Variants in ATP11A observed in about 807,000 individuals in gnomAD.
The protein encoded by ATP11A is ATPase phospholipid transporting 11A, also known as phospholipid-transporting ATPase IH.
A neutral mutation model predicts 154.4 loss-of-function variants in ATP11A; 81 were observed. That is an observed-to-expected ratio of 0.52 (90% CI 0.44 to 0.63). The LOEUF (loss-of-function observed/expected upper bound fraction) is 0.63. Ranked by LOEUF, ATP11A falls within the 30% of genes least tolerant of loss-of-function variation. The pLI is 0.00. For synonymous variants in ATP11A, 623 were observed against 585.9 expected (o/e 1.06, Z -0.91); for missense variants, 1,316 against 1,474.3 (o/e 0.89, Z 1.76).
rs145236377 is a variant in ATP11A at position 112,859,284 on chromosome 13, G to A, written c.2668-109G>A. 3,139 of 849,454 alleles carry A rather than the reference G, an allele frequency of 3.7e-3. 15 individuals are homozygous for A. Among genetic ancestry groups the A allele is most frequent in the Non-Finnish European group, 5.2e-3 (2,521 of 486,256 alleles). 52.6% of individuals were successfully genotyped at this position (849,454 alleles called of 1,614,324 possible). ...ACCCATTAGTGCTGTTCTGCCGCAC[G>A]CTGGGTGCACGTGGATCCCTCCTCC... On this transcript the variant is annotated intron_variant, in intron 22 of 29. Transcript: ENST00000375645. This position sits in a 1 kb window ranked among gnomAD's most constrained non-coding sequence, Gnocchi z 4.3.
intron 12 of ATP11A, among the ~76,000 whole-genome samples, 195 bp downstream of exon 12, chr13:112,827,086 C>T (rs866950032): frequency 2.0e-5 from 3 of 152,310 alleles, no homozygotes; most frequent in African/African-American, 7.2e-5. Flanking sequence ...GCAGAATTAC[C>T]TGCACTTGCT....
At chr13:112,773,630 C>G (rs914307845) in intron 1 of ATP11A, among the ~76,000 whole-genome samples, 5 of 152,236 alleles carry the variant, frequency 3.3e-5, no homozygotes, top group African/African-American at 1.2e-4. Flanking sequence ...GCTTTGTCTG[C>G]AGAAACAGCT....
At chr13:112,850,826 T>G (rs2079742954) in intron 17 of ATP11A, among the ~76,000 whole-genome samples, 1 of 152,246 alleles carries the variant, frequency 6.6e-6, no homozygotes. Flanking sequence ...TAGACTTAAA[T>G]AATTCACTTG....
chr13:112,851,046 C>G lies in ATP11A; in HGVS notation c.1819C>G (p.Arg607Gly). 1.2e-6 allele frequency: 2 copies of G among 1,613,800 alleles called. No individual in the cohort carries two copies. The highest frequency in any genetic ancestry group is 1.7e-6 in the Non-Finnish European group (2 of 1,179,780). ...RVERNAVEGL[R>G]TLCVAYKRLI... ...GCATTGTGTTCTGCAGGAGGGGCTC[C>G]GAACTTTGTGTGTTGCTTATAAAAG... The change falls in exon 18 of 30, where the codon CGA (arginine) becomes GGA (glycine). Residue 607 changes from arginine to glycine, a missense_variant. Transcript: ENST00000375645.
chr13:112,789,120 G>A (rs999387358), intron 2 of ATP11A, among the ~76,000 whole-genome samples: 5 of 150,188 alleles, frequency 3.3e-5, no homozygotes, highest in African/African-American at 1.2e-4. Flanking sequence ...CTGATGTATA[G>A]ACCCTTGTGG....
intron 2 of ATP11A, among the ~76,000 whole-genome samples, chr13:112,789,457 C>T (rs111361760): frequency 7.2e-6 from 1 of 138,604 alleles, no homozygotes; most frequent in African/African-American, 2.9e-5. Context: ...GACATATAGA[C>T]CCTTGCGGAG....
chr13:112,742,280 G>A (rs1305760271), intron 1 of ATP11A, among the ~76,000 whole-genome samples: 1 of 152,162 alleles, frequency 6.6e-6, no homozygotes, highest in African/African-American at 2.4e-5. Context: ...CTTGGGGGGT[G>A]GGGGAGACAC....
intron 16 of ATP11A, among the ~76,000 whole-genome samples, chr13:112,839,237 C>T (rs987832111): frequency 2.0e-5 from 3 of 151,924 alleles, no homozygotes; most frequent in Non-Finnish European, 4.4e-5. Flanking sequence ...GTATTATGTA[C>T]GCAGTACACA....
At chr13:112,776,007 T>C (rs2077339959) in intron 1 of ATP11A, among the ~76,000 whole-genome samples, 1 of 152,138 alleles carries the variant, frequency 6.6e-6, no homozygotes, top group Non-Finnish European at 1.5e-5. Flanking sequence ...CCCAGCCCTC[T>C]TCCCCGGACC....
intron 17 of ATP11A, among the ~76,000 whole-genome samples, chr13:112,850,058 G>A (rs1167505418): frequency 6.6e-6 from 1 of 152,180 alleles, no homozygotes; most frequent in Non-Finnish European, 1.5e-5. Flanking sequence ...AGAGCTCAAG[G>A]GCCATGACAG....
chr13:112,842,185 G>GT, intron 16 of ATP11A, 91 bp from the exon 17 acceptor site: 2 of 1,053,658 alleles, frequency 1.9e-6, no homozygotes, highest in Non-Finnish European at 2.8e-6. Context: ...TGCTATCCCT[G>GT]TTTTTTGTTT....
At chr13:112,874,285 G>C (rs2080644353) in intron 27 of ATP11A, among the ~76,000 whole-genome samples, 1 of 152,164 alleles carries the variant, frequency 6.6e-6, no homozygotes, top group Non-Finnish European at 1.5e-5. Context: ...GAGGGGCCCG[G>C]ACCAGGCTGC....
intron 1 of ATP11A, among the ~76,000 whole-genome samples, chr13:112,726,095 C>G (rs888645059): frequency 6.6e-6 from 1 of 152,260 alleles, no homozygotes; most frequent in African/African-American, 2.4e-5. Flanking sequence ...GGAGGCTTCT[C>G]TGAAGGGAAT....
At chr13:112,768,999 G>A (rs1412281663) in intron 1 of ATP11A, among the ~76,000 whole-genome samples, 5 of 152,184 alleles carry the variant, frequency 3.3e-5, no homozygotes, top group African/African-American at 7.2e-5. Flanking sequence ...GTGAAGGTGT[G>A]ACCCATGGTG....
At chr13:112,855,884 A>G (rs1200380238) in intron 19 of ATP11A, 27 bp from the exon 20 acceptor site, 2 of 1,569,460 alleles carry the variant, frequency 1.3e-6, no homozygotes, top group East Asian at 2.3e-5. Context: ...TGATTGAGCA[A>G]TCTTTCTGAC....
chr13:112,828,427 G>A (rs12020607), intron 12 of ATP11A, among the ~76,000 whole-genome samples: 2 of 135,930 alleles, frequency 1.5e-5, no homozygotes, highest in Admixed American at 1.5e-4. Context: ...GGTGTTGAGT[G>A]GGGGGAAAGT....
At position 112,693,561 on chromosome 13, in the gene ATP11A, G is replaced by A. The variant is rs559874830; in HGVS notation, c.39+3106G>A. 5.9e-5 allele frequency among the ~76,000 whole-genome samples: 9 copies of A among 152,148 alleles called. No individual in the cohort carries two copies. The East Asian group carries it at 1.7e-3, about 29-fold the overall frequency. On this transcript the variant is annotated intron_variant, in intron 1 of 29. Transcript: ENST00000375645. ...GCGTGTGTGCCGTGGACTGGCGTAT[G>A]TGTTGTGGAGTAGTGTATGTGCTAT... is the stretch of plus-strand genomic sequence containing the variant.
At chr13:112,812,808 G>A (rs896469944) in intron 5 of ATP11A, among the ~76,000 whole-genome samples, 5 of 152,218 alleles carry the variant, frequency 3.3e-5, no homozygotes, top group African/African-American at 1.2e-4. Flanking sequence ...CCTAGAGGTC[G>A]GGGGTTCAGA....
chr13:112,730,717 C>A (rs1890399578), intron 1 of ATP11A, among the ~76,000 whole-genome samples: 1 of 152,102 alleles, frequency 6.6e-6, no homozygotes, highest in Non-Finnish European at 1.5e-5. Context: ...TGTAAATGAA[C>A]CTTAAAAGGT....
Sources: gnomAD v4.1 joint callset for allele counts (sites outside exome capture counted in the v4.1 genomes callset) on GRCh38, gnomAD v4.1.1 for gene constraint, Gnocchi (gnomAD v3.1) non-coding constraint, MANE v1.5 for transcripts, NCBI Gene and HGNC (gene_info 2026-07-23, HGNC 2026-07-21) for gene names.